Variants in SGSM2 observed in about 807,000 individuals in gnomAD.
SGSM2 encodes small G protein signaling modulator 2.
Under a neutral mutation model 126.6 loss-of-function variants are expected in SGSM2, and 89 were observed. The ratio of observed to expected loss-of-function variants is 0.70; its 90% CI spans 0.59 to 0.84. SGSM2 has a LOEUF of 0.84. SGSM2 is among the 40% of genes least tolerant of loss of function. SGSM2 has a pLI of 0.00. For missense variants in SGSM2, 1,404 were observed against 1,416.6 expected (o/e 0.99, Z 0.14); for synonymous variants, 614 against 574.3 (o/e 1.07, Z -0.99).
chr17:2,339,760 A>T (rs2064267200), intron 1 of SGSM2, among the ~76,000 whole-genome samples: 1 of 151,288 alleles, frequency 6.6e-6, no homozygotes, highest in Non-Finnish European at 1.5e-5. Flanking sequence ...CTCATGCGTT[A>T]GCCATGGCCT....
In SGSM2 at chr17:2,379,426, C is replaced by T; in HGVS notation, c.3068-6C>T. On this transcript the variant is annotated splice_region_variant and splice_polypyrimidine_tract_variant and intron_variant, in intron 23 of 23. Transcript: ENST00000268989. Reference sequence around the variant, plus strand: ...CCTCTCTACAGCTCTTCACGTTTCCCCCCAGAACGTGCTGAGCATCACGAT... The same window carrying T: ...CCTCTCTACAGCTCTTCACGTTTCCTCCCAGAACGTGCTGAGCATCACGAT... 2.5e-6 allele frequency: 4 copies of T among 1,611,734 alleles called. No individual in the cohort carries two copies. Among genetic ancestry groups the T allele is most frequent in the Non-Finnish European group, 3.4e-6 (4 of 1,178,332 alleles).
intron 1 of SGSM2, among the ~76,000 whole-genome samples, chr17:2,341,467 C>T (rs1027224818): frequency 2.0e-5 from 3 of 152,178 alleles, no homozygotes; most frequent in Non-Finnish European, 4.4e-5. Flanking sequence ...TAGCAGTTTC[C>T]GGCAGGGAGG....
intron 2 of SGSM2, among the ~76,000 whole-genome samples, chr17:2,353,756 ACT>A (rs1056708659): frequency 2.3e-5 from 3 of 132,610 alleles, no homozygotes; most frequent in African/African-American, 8.3e-5. Flanking sequence ...ACAGACTGAG[ACT>A]CTGTCTTTAA....
Position 2,379,863 on chromosome 17 carries a change from C to G in SGSM2, c.*343C>G. Reference sequence around the variant, plus strand: ...GCCCACGAGTGAACCTGGGGCCCCACAGGATTAACAGGGGCTATAGCGGCC... The same window carrying G: ...GCCCACGAGTGAACCTGGGGCCCCAGAGGATTAACAGGGGCTATAGCGGCC... On this transcript the variant is annotated 3_prime_UTR_variant, in exon 24 of 24. Transcript: ENST00000268989. 7.7e-7 allele frequency: 1 copy of G among 1,302,302 alleles called. No individual in the cohort carries two copies. Among genetic ancestry groups the G allele is most frequent in the Non-Finnish European group, 9.8e-7 (1 of 1,019,260 alleles). 80.7% of individuals were successfully genotyped at this position (1,302,302 alleles called of 1,614,324 possible).
Position 2,361,748 on chromosome 17 carries a change from C to T in SGSM2, c.245C>T (p.Ala82Val), listed in dbSNP as rs753176235. The T allele has an allele frequency of 1.3e-5, 21 of 1,613,278 alleles. No individual in the cohort carries two copies. Among genetic ancestry groups the T allele is most frequent in the East Asian group, 6.7e-5 (3 of 44,884 alleles). ...AAGGTGGGGAAGACGTGCCCAGTGG[C>T]GGGGGAGATTTGCCACAAGGTACAG... ...FTKVGKTCPV[A>V]GEICHKVQEL... The change falls in exon 3 of 24, where the codon GCG becomes GTG. Residue 82 changes from alanine to valine, a missense_variant. Coordinates refer to ENST00000268989, the MANE Select transcript of SGSM2 (RefSeq NM_014853.3).
chr17:2,361,387 T>A (rs1333443493), intron 2 of SGSM2, among the ~76,000 whole-genome samples: 1 of 152,050 alleles, frequency 6.6e-6, no homozygotes, highest in Non-Finnish European at 1.5e-5. Flanking sequence ...CCCCCAGGGG[T>A]GAGGCTGCAT....
intron 1 of SGSM2, among the ~76,000 whole-genome samples, chr17:2,340,734 G>A (rs149533797): frequency 0.02 from 3,028 of 151,910 alleles, 117 homozygotes; most frequent in African/African-American, 0.07. Context: ...ACAGGCGCCT[G>A]CCACCACGCC....
rs373415297 is a variant in SGSM2, at chr17:2,376,721, C to A, written c.2610-12C>A. 2.5e-6 allele frequency: 4 copies of A among 1,609,248 alleles called. No individual in the cohort carries two copies. In the South Asian group the frequency reaches 4.4e-5, roughly 18 times the overall value. On this transcript the variant is annotated splice_polypyrimidine_tract_variant and intron_variant, in intron 19 of 23. Coordinates refer to ENST00000268989, the MANE Select transcript of SGSM2 (RefSeq NM_014853.3). ...GGGGCACAGCCACAGTGACTCTCCC[C>A]CTGCCTTTCAGCTACGTGTGGGAGC...
chr17:2,364,591 T>C lies in SGSM2; in HGVS notation c.933-5T>C, dbSNP rs1168697155. The stretch of plus-strand genomic sequence containing the variant: ...CACAGTGACAGCAGTCTGGTTCCTT[T>C]CTAGCGTTTACTGGGACTATGCCCT... On this transcript the variant is annotated splice_region_variant and splice_polypyrimidine_tract_variant and intron_variant, in intron 8 of 23. Coordinates refer to ENST00000268989, the MANE Select transcript of SGSM2 (RefSeq NM_014853.3). The C allele has an allele frequency of 6.2e-7, 1 of 1,614,140 alleles. No individual in the cohort carries two copies. Among genetic ancestry groups the C allele is most frequent in the East Asian group, 2.2e-5 (1 of 44,874 alleles).
intron 12 of SGSM2, among the ~76,000 whole-genome samples, chr17:2,369,998 C>T (rs575212915): frequency 6.6e-6 from 1 of 152,312 alleles, no homozygotes; most frequent in Non-Finnish European, 1.5e-5. Context: ...AAGAGAGCCC[C>T]GGCCAAGGCA....
Position 2,365,326 on chromosome 17 carries a change from C to A in SGSM2, c.1273C>A (p.His425Asn). The A allele has an allele frequency of 6.4e-7, 1 of 1,566,004 alleles. No homozygotes were observed. Reference protein sequence around the residue: ...DYVFRIIYPGHRHEHITINYH... With the variant: ...DYVFRIIYPGNRHEHITINYH... ...TGTGTTCCGGATCATCTACCCCGGCCACAGGCACGAGCACAGTGAGTGTCC... is the reference window on the plus strand; with the variant it reads ...TGTGTTCCGGATCATCTACCCCGGCAACAGGCACGAGCACAGTGAGTGTCC... The change falls in exon 11 of 24, where the codon CAC (histidine) becomes AAC (asparagine). Residue 425 changes from histidine to asparagine, a missense_variant. His to Asn is a moderately conservative substitution (Grantham distance 68). Transcript: ENST00000268989.
chr17:2,377,808 C>T (rs1328449819), intron 21 of SGSM2, 49 bp from the exon 22 acceptor site: 14 of 1,252,566 alleles, frequency 1.1e-5, no homozygotes, highest in Non-Finnish European at 1.6e-5. Flanking sequence ...CGGCCAGAGG[C>T]AGCATCGGCT....
rs906822013 is a variant in SGSM2, at chr17:2,380,535, T to C, written c.*1015T>C. On this transcript the variant is annotated 3_prime_UTR_variant, in exon 24 of 24. Coordinates refer to ENST00000268989, the MANE Select transcript of SGSM2 (RefSeq NM_014853.3). ...AGCAAGGCTAGCTCTGCCTTCCACA[T>C]GCTTCTCAGGATGCCAAGAGGCCTA... 4 of 583,520 alleles carry C rather than the reference T, an allele frequency of 6.9e-6. No homozygotes were observed. Among genetic ancestry groups the C allele is most frequent in the Non-Finnish European group, 9.2e-6 (3 of 326,512 alleles). 36.1% of individuals were successfully genotyped at this position (583,520 alleles called of 1,614,324 possible).
At chr17:2,344,315 C>T (rs1326313676) in intron 2 of SGSM2, among the ~76,000 whole-genome samples, 1 of 152,214 alleles carries the variant, frequency 6.6e-6, no homozygotes, top group Non-Finnish European at 1.5e-5. Flanking sequence ...CGCACAGACT[C>T]TTCTTGGATT....
In SGSM2 at chr17:2,372,453, A is replaced by T; in HGVS notation, c.1753A>T (p.Lys585Ter). The T allele has an allele frequency of 6.2e-7, 1 of 1,601,424 alleles. No individual in the cohort carries two copies. Among genetic ancestry groups the T allele is most frequent in the East Asian group, 2.2e-5 (1 of 44,500 alleles). The change falls in exon 15 of 24, where the codon AAG becomes TAG. Residue 585 changes from lysine (K) to a stop codon, truncating the protein, a stop_gained. Transcript: ENST00000268989. LOFTEE classifies it high-confidence loss of function. The surrounding 1 kb of genome is among the most constrained non-coding windows in gnomAD (Gnocchi z 6.0). ...RPPGASAGLT[K>*]DVWSKYQKDK... ...CCCGGGGGCCTCCGCGGGCCTCACC[A>T]AGGACGTGTGGAGCAAGTATCAGAA...
intron 22 of SGSM2, among the ~76,000 whole-genome samples, chr17:2,378,791 C>A (rs917386329): frequency 1.3e-5 from 2 of 152,162 alleles, no homozygotes; most frequent in Admixed American, 1.3e-4. Context: ...GGGTACAGAA[C>A]CCCCATTCCT....
At chr17:2,358,873 GTT>G (rs759581510) in intron 2 of SGSM2, among the ~76,000 whole-genome samples, 5 of 88,184 alleles carry the variant, frequency 5.7e-5, no homozygotes, top group African/African-American at 1.4e-4. Context: ...TGTTGTTGTT[GTT>G]TTTTTTTTTT....
rs61741896 is a variant in SGSM2, at chr17:2,379,154, C to T, written c.3018C>T (p.Ile1006=). ...ALALVEAYRE[I]IRDNNMDFTD... Reference sequence around the variant, plus strand: ...CCCTGGTGGAGGCCTACCGAGAGATCATCCGTGACAACAACATGGACTTCA... The same window carrying T: ...CCCTGGTGGAGGCCTACCGAGAGATTATCCGTGACAACAACATGGACTTCA... The change falls in exon 23 of 24, where the codon ATC becomes ATT. Residue 1006 remains isoleucine, a synonymous_variant. Transcript: ENST00000268989. 8.6e-4 allele frequency: 1,394 copies of T among 1,614,170 alleles called. 10 individuals are homozygous for T. The African/African-American group carries it at 0.014, about 16-fold the overall frequency.
chr17:2,376,383 CT>C, intron 19 of SGSM2, 122 bp downstream of exon 19: 2 of 1,315,558 alleles, frequency 1.5e-6, no homozygotes, highest in South Asian at 2.8e-5. Flanking sequence ...TTGGCTCCCC[CT>C]GCCTGGAACG....
Sources: gnomAD v4.1 joint callset for allele counts (sites outside exome capture counted in the v4.1 genomes callset) on GRCh38, gnomAD v4.1.1 for gene constraint, Gnocchi (gnomAD v3.1) non-coding constraint, MANE v1.5 for transcripts, NCBI Gene and HGNC (gene_info 2026-07-23, HGNC 2026-07-21) for gene names.